SBNO1: variants seen among roughly 807,000 people sequenced by gnomAD.
SBNO1 encodes the protein protein strawberry notch homolog 1.
Under a neutral mutation model 173.6 loss-of-function variants are expected in SBNO1, and 23 were observed. The ratio of observed to expected loss-of-function variants is 0.13; its 90% confidence interval spans 0.10 to 0.19. SBNO1 has a LOEUF of 0.19. SBNO1 is among the 10% of genes least tolerant of loss of function. The probability of loss-of-function intolerance (pLI) is 1.00; values close to 1 mark genes in which losing one functional copy is unlikely to be tolerated. For missense variants in SBNO1, 1,238 were observed against 1,671.2 expected (o/e 0.74, Z 4.52); for synonymous variants, 632 against 571.5 (o/e 1.11, Z -1.51).
At chr12:123,362,768 CAAAAAAAAAAAA>C (rs10587512) in intron 1 of SBNO1, among the ~76,000 whole-genome samples, 1 of 76,504 alleles carries the variant, frequency 1.3e-5, no homozygotes, top group Non-Finnish European at 2.4e-5. Context: ...GACTCCGCCT[CAAAAAAAAAAAA>C]AAAAAAAAAA....
At chr12:123,351,504 G>A (rs536576063) in intron 1 of SBNO1, among the ~76,000 whole-genome samples, 7 of 152,216 alleles carry the variant, frequency 4.6e-5, no homozygotes, top group African/African-American at 1.7e-4. Flanking sequence ...GTGCACGCCT[G>A]TAGTCCCAGC....
intron 1 of SBNO1, 46 bp downstream of exon 1, chr12:123,364,655 G>A (rs921668902): frequency 1.1e-5 from 11 of 982,050 alleles, no homozygotes; most frequent in East Asian, 2.3e-4. Flanking sequence ...GAGGCTGTCC[G>A]GGAGGGGGAG....
intron 5 of SBNO1, among the ~76,000 whole-genome samples, chr12:123,339,743 C>T (rs1872307175): frequency 6.6e-6 from 1 of 152,090 alleles, no homozygotes; most frequent in Non-Finnish European, 1.5e-5. Context: ...GCCAAGATTG[C>T]ACCACTACAC....
At chr12:123,359,546 C>T (rs1372066806) in intron 1 of SBNO1, among the ~76,000 whole-genome samples, 2 of 82,418 alleles carry the variant, frequency 2.4e-5, no homozygotes, top group African/African-American at 1.0e-4. Flanking sequence ...CAGAGGGAGA[C>T]TCCGTCTCAA....
At chr12:123,343,078 C>G (rs141597918) in intron 4 of SBNO1, among the ~76,000 whole-genome samples, 1 of 152,002 alleles carries the variant, frequency 6.6e-6, no homozygotes, top group Admixed American at 6.6e-5. Context: ...CCTGTCTCTA[C>G]TAAAAATAGC....
At chr12:123,330,620 A>G (rs1036819072) in intron 8 of SBNO1, 111 bp from the exon 9 acceptor site, 2 of 579,694 alleles carry the variant, frequency 3.5e-6, no homozygotes, top group East Asian at 6.2e-5. Flanking sequence ...AAAAAAAGAA[A>G]AAGAAAATAC....
chr12:123,331,120 G>A (rs545642567), intron 8 of SBNO1, 122 bp downstream of exon 8: 42 of 919,640 alleles, frequency 4.6e-5, no homozygotes, highest in South Asian at 2.9e-4. Context: ...CCACCATGAC[G>A]ACCGGCTGAT....
rs376621859 is a variant in SBNO1 at position 123,361,956 on chromosome 12, T to G, written c.-1+2745A>C. 1.1e-4 allele frequency among the ~76,000 whole-genome samples: 17 copies of G among 149,112 alleles called. No homozygotes were observed. In the East Asian group the frequency reaches 1.2e-3, roughly 11 times the overall value. On this transcript the variant is annotated intron_variant, in intron 1 of 31. Transcript: ENST00000602398. Reference sequence around the variant, plus strand: ...GAGTTTGAGACCAGCCTGGCCAATATGGTGAAACCCCGTGTCTACTAAAAA... The same window carrying G: ...GAGTTTGAGACCAGCCTGGCCAATAGGGTGAAACCCCGTGTCTACTAAAAA...
At chr12:123,304,746 A>T in intron 28 of SBNO1, 27 bp from the exon 29 acceptor site, 1 of 1,350,010 alleles carries the variant, frequency 7.4e-7, no homozygotes, top group Non-Finnish European at 1.0e-6. Context: ...ACAAAATATA[A>T]AGATTTTATA....
chr12:123,331,184 G>A lies in SBNO1; in HGVS notation c.1043+58C>T, dbSNP rs999922928. On this transcript the variant is annotated intron_variant, in intron 8 of 31. Transcript: ENST00000602398. ...TCACTGTGTTAGCCAGGATGGTCTC[G>A]ATCTCCTAACCTCGTGATCCGCTGC... The A allele has an allele frequency of 4.4e-5, 69 of 1,565,646 alleles. No homozygotes were observed. In the African/African-American group the frequency reaches 7.5e-4, roughly 17 times the overall value.
At chr12:123,321,755 GAGTC>G (rs1236250776) in intron 16 of SBNO1, 23 bp from the exon 17 acceptor site, 1 of 1,596,110 alleles carries the variant, frequency 6.3e-7, no homozygotes, top group African/African-American at 1.3e-5. Flanking sequence ...ACAAACAAGA[GAGTC>G]AGCCCAAATT....
At chr12:123,300,521 G>C (rs184065501) in intron 30 of SBNO1, among the ~76,000 whole-genome samples, 1 of 152,186 alleles carries the variant, frequency 6.6e-6, no homozygotes, top group East Asian at 1.9e-4. Context: ...GCCGGGCGTG[G>C]TTGGCGGGTG....
chr12:123,323,229 T>C (rs1331784221), intron 16 of SBNO1, among the ~76,000 whole-genome samples: 1 of 152,250 alleles, frequency 6.6e-6, no homozygotes, highest in Non-Finnish European at 1.5e-5. Flanking sequence ...TTCAAAATTG[T>C]ACAAGTGACA....
chr12:123,333,369 T>C (rs1385356248), intron 7 of SBNO1, among the ~76,000 whole-genome samples: 2 of 152,124 alleles, frequency 1.3e-5, no homozygotes, highest in African/African-American at 4.8e-5. Context: ...CCCCCAATAA[T>C]GTGGATGCTC....
chr12:123,360,224 T>A (rs1439049378), intron 1 of SBNO1, among the ~76,000 whole-genome samples: 3 of 143,118 alleles, frequency 2.1e-5, no homozygotes, highest in Non-Finnish European at 4.5e-5. Context: ...CCAGCCTCGG[T>A]GACAAGAGTG....
rs142463137 is a variant in SBNO1 at position 123,302,537 on chromosome 12, C to T, written c.3845+287G>A. The stretch of plus-strand genomic sequence containing the variant: ...GGGATTACAGGCGTGAGCCACCACA[C>T]CCAGCCGTGAAAAAGCAAGTTCTAA... On this transcript the variant is annotated intron_variant, in intron 30 of 31. Coordinates refer to ENST00000602398, the MANE Select transcript of SBNO1 (RefSeq NM_001167856.3). Among the ~76,000 whole-genome samples the T allele has an allele frequency of 6.4e-3, 978 of 152,280 alleles. 13 individuals carry two copies. Among genetic ancestry groups the T allele is most frequent in the African/African-American group, 0.023 (943 of 41,546 alleles).
chr12:123,341,023 T>G lies in SBNO1; in HGVS notation c.616A>C (p.Asn206His). The G allele has an allele frequency of 6.2e-7, 1 of 1,603,408 alleles. No homozygotes were observed. Among genetic ancestry groups the G allele is most frequent in the Non-Finnish European group, 8.5e-7 (1 of 1,174,046 alleles). The change falls in exon 5 of 32, where the codon AAC becomes CAC. Residue 206 changes from asparagine (N) to histidine (H), a missense_variant. This residue lies in a region of SBNO1 where 287 missense variants were observed against 274.1 expected (regional missense o/e 1.05). Coordinates refer to ENST00000602398, the MANE Select transcript of SBNO1 (RefSeq NM_001167856.3). ...GAAAAACTCCTCATCTTCATGTCGT[T>G]TATCCACATTCTAGCTCCTTCTTTA... ...SNKEGARMWINDMKMRSFSPT... is the reference protein window; with the variant it reads ...SNKEGARMWIHDMKMRSFSPT...
At position 123,302,924 on chromosome 12, in the gene SBNO1, T is replaced by C. The variant is rs139578142; in HGVS notation, c.3769-24A>G. 2,074 of 1,559,298 alleles carry C rather than the reference T, an allele frequency of 1.3e-3. 25 individuals carry two copies. The Admixed American group carries it at 0.023, about 17-fold the overall frequency. ...ACCTGTAAAAATGAGAAGAATTTCA[T>C]TGAAAACAGTATTGCTTTAAATAAA... On this transcript the variant is annotated intron_variant, in intron 29 of 31. Coordinates refer to ENST00000602398, the MANE Select transcript of SBNO1 (RefSeq NM_001167856.3).
intron 9 of SBNO1, among the ~76,000 whole-genome samples, chr12:123,329,140 G>A (rs1225316446): frequency 6.6e-6 from 1 of 152,180 alleles, no homozygotes; most frequent in Non-Finnish European, 1.5e-5. Context: ...AACACTTTGG[G>A]AGGTCAAGGT....
Sources: gnomAD v4.1 joint callset for allele counts (sites outside exome capture counted in the v4.1 genomes callset) on GRCh38, gnomAD v4.1.1 for gene constraint, gnomAD v4.1.1 regional missense constraint, MANE v1.5 for transcripts, NCBI Gene and HGNC (gene_info 2026-07-23, HGNC 2026-07-21) for gene names.